Variants in MSH3 observed in about 807,000 individuals in gnomAD.
MSH3 encodes the protein DNA mismatch repair protein Msh3.
In MSH3, 106 loss-of-function variants were observed where a neutral mutation model predicts 123.3. The observed-to-expected ratio is 0.86, with a 90% CI of 0.73 to 1.01. The LOEUF is 1.01. MSH3 is among the 50% of genes least tolerant of loss of function. The pLI is 0.00. For synonymous variants in MSH3, 515 were observed against 481.4 expected (o/e 1.07, Z -0.91); for missense variants, 1,459 against 1,347.6 (o/e 1.08, Z -1.29).
chr5:80,782,291 T>C (rs1032389007), intron 17 of MSH3, among the ~76,000 whole-genome samples: 2 of 152,200 alleles, frequency 1.3e-5, no homozygotes, highest in Non-Finnish European at 2.9e-5. Flanking sequence ...TTTAACCAAC[T>C]GCAGATTGAA....
At chr5:80,692,662 ACACATG>A (rs1469528768) in intron 8 of MSH3, among the ~76,000 whole-genome samples, 2 of 138,128 alleles carry the variant, frequency 1.4e-5, no homozygotes, top group Non-Finnish European at 3.2e-5. Context: ...ATATATATAT[ACACATG>A]TATATGTTTA....
chr5:80,818,031 C>T (rs913852762), intron 20 of MSH3, among the ~76,000 whole-genome samples: 8 of 152,004 alleles, frequency 5.3e-5, no homozygotes, highest in African/African-American at 1.2e-4. Flanking sequence ...CCAACAATGG[C>T]CAACGTGGTG....
At chr5:80,839,684 A>G (rs1283263180) in intron 20 of MSH3, among the ~76,000 whole-genome samples, 1 of 152,250 alleles carries the variant, frequency 6.6e-6, no homozygotes, top group African/African-American at 2.4e-5. Context: ...CTACCCAGAG[A>G]TAACTACTCT....
Position 80,654,752 on chromosome 5 carries a change from G to T in MSH3, c.25G>T (p.Gly9Cys). 1 of 1,602,592 alleles carries T rather than the reference G, an allele frequency of 6.2e-7. No individual in the cohort carries two copies. The change falls in exon 1 of 24, where the codon GGC (glycine) becomes TGC (cysteine). Residue 9 changes from glycine (G) to cysteine (C), a missense_variant. Gly to Cys is a radical substitution (Grantham distance 159, BLOSUM62 -3). Coordinates refer to ENST00000265081, the MANE Select transcript of MSH3 (RefSeq NM_002439.5). Reference sequence around the variant, plus strand: ...CATGTCTCGCCGGAAGCCTGCGTCGGGCGGCCTCGCTGCCTCCAGCTCAGC... The same window carrying T: ...CATGTCTCGCCGGAAGCCTGCGTCGTGCGGCCTCGCTGCCTCCAGCTCAGC... MSRRKPAS[G>C]GLAASSSAPA...
chr5:80,701,677 G>A (rs1191246906), intron 8 of MSH3, among the ~76,000 whole-genome samples: 2 of 152,118 alleles, frequency 1.3e-5, no homozygotes, highest in African/African-American at 4.8e-5. Context: ...TTAGTTCAGA[G>A]CTCCTCTGGG....
chr5:80,775,572 A>G (rs1744283155), intron 15 of MSH3, 122 bp from the exon 16 acceptor site: 3 of 655,054 alleles, frequency 4.6e-6, no homozygotes, highest in Non-Finnish European at 8.2e-6. Context: ...CTGAAAAACA[A>G]TACTGGACTT....
chr5:80,676,848 A>G (rs1487276160), intron 7 of MSH3, among the ~76,000 whole-genome samples: 2 of 152,258 alleles, frequency 1.3e-5, no homozygotes, highest in African/African-American at 4.8e-5. Flanking sequence ...TTGATAGTAT[A>G]TAATTCCTAC....
At chr5:80,799,079 C>T (rs1392974508) in intron 19 of MSH3, among the ~76,000 whole-genome samples, 3 of 152,192 alleles carry the variant, frequency 2.0e-5, no homozygotes, top group Middle Eastern at 3.2e-3. Context: ...GGATAGACCA[C>T]GATTACTTGC....
At chr5:80,822,250 G>A (rs983877640) in intron 20 of MSH3, among the ~76,000 whole-genome samples, 16 of 152,278 alleles carry the variant, frequency 1.1e-4, no homozygotes, top group Non-Finnish European at 2.2e-4. Flanking sequence ...TGTTATACTT[G>A]AGCACAAATC....
At chr5:80,824,322 G>T (rs536485050) in intron 20 of MSH3, among the ~76,000 whole-genome samples, 3 of 151,166 alleles carry the variant, frequency 2.0e-5, no homozygotes, top group Non-Finnish European at 4.4e-5. Context: ...GGGCGGAGGC[G>T]CCCCCCACCT....
In MSH3 at chr5:80,778,705, T is replaced by C; in HGVS notation, c.2319-15T>C. The C allele has an allele frequency of 6.9e-7, 1 of 1,446,414 alleles. No homozygotes were observed. Among genetic ancestry groups the C allele is most frequent in the South Asian group, 1.1e-5 (1 of 87,734 alleles). 89.6% of individuals were successfully genotyped at this position (1,446,414 alleles called of 1,614,324 possible). A position where few individuals can be genotyped will look rare whatever the true frequency, so the allele number is the denominator to read the frequency against. On this transcript the variant is annotated splice_polypyrimidine_tract_variant and intron_variant, in intron 16 of 23. Coordinates refer to ENST00000265081, the MANE Select transcript of MSH3 (RefSeq NM_002439.5). ...TAACCTTGATTTCCTATTTGTGTTC[T>C]TTCCCCTCTTCTAGCACAAAAGCTG...
chr5:80,690,717 C>A (rs1750210077), intron 8 of MSH3, among the ~76,000 whole-genome samples: 1 of 152,102 alleles, frequency 6.6e-6, no homozygotes, highest in Non-Finnish European at 1.5e-5. Flanking sequence ...AACAGAAATG[C>A]AGAAACTGAA....
At chr5:80,809,136 T>G (rs1412710050) in intron 19 of MSH3, among the ~76,000 whole-genome samples, 1 of 151,826 alleles carries the variant, frequency 6.6e-6, no homozygotes, top group Non-Finnish European at 1.5e-5. Flanking sequence ...GCATTTATAG[T>G]TTCAAAGGAA....
At chr5:80,776,937 T>TTTTC in intron 16 of MSH3, among the ~76,000 whole-genome samples, 1 of 147,234 alleles carries the variant, frequency 6.8e-6, no homozygotes, top group East Asian at 2.0e-4. Context: ...TATTTTTTTT[T>TTTTC]TTTCTTTTTT....
At chr5:80,818,609 T>C (rs1745148383) in intron 20 of MSH3, among the ~76,000 whole-genome samples, 1 of 152,078 alleles carries the variant, frequency 6.6e-6, no homozygotes, top group East Asian at 1.9e-4. Context: ...AAGAATTACT[T>C]AAAAAAATGT....
intron 10 of MSH3, among the ~76,000 whole-genome samples, chr5:80,734,947 GT>G (rs1743477388): frequency 2.0e-5 from 3 of 152,156 alleles, no homozygotes; most frequent in Non-Finnish European, 4.4e-5. Flanking sequence ...GTTTTGTCCA[GT>G]TTTCTTATTG....
At chr5:80,836,697 G>A (rs1381539165) in intron 20 of MSH3, among the ~76,000 whole-genome samples, 2 of 151,476 alleles carry the variant, frequency 1.3e-5, no homozygotes, top group Non-Finnish European at 2.9e-5. Context: ...CATCCTCCTC[G>A]ATACTTTAAA....
At chr5:80,768,168 C>A in intron 14 of MSH3, 48 bp downstream of exon 14, 1 of 1,507,650 alleles carries the variant, frequency 6.6e-7, no homozygotes, top group South Asian at 1.1e-5. Context: ...CAGTATAATT[C>A]AGTGCATTTG....
At chr5:80,688,685 G>T (rs900908882) in intron 8 of MSH3, among the ~76,000 whole-genome samples, 1 of 152,030 alleles carries the variant, frequency 6.6e-6, no homozygotes, top group African/African-American at 2.4e-5. Flanking sequence ...TCTGTGTTAT[G>T]ACTGAAGTCC....
Sources: allele counts gnomAD v4.1 joint callset (sites outside exome capture counted in the v4.1 genomes callset), GRCh38; gene constraint gnomAD v4.1.1; transcripts MANE v1.5; gene names NCBI Gene and HGNC (gene_info 2026-07-23, HGNC 2026-07-21).